AP1B1: variants seen among roughly 807,000 people sequenced by gnomAD.
AP1B1 encodes the protein AP-1 complex subunit beta-1.
In AP1B1, 36 loss-of-function variants were observed where a neutral mutation model predicts 104.3. That is an observed-to-expected ratio of 0.35 (90% CI 0.26 to 0.46). The LOEUF (loss-of-function observed/expected upper bound fraction) is 0.46. Among genes scored for constraint, AP1B1 ranks in the 20% least tolerant of loss-of-function variants. AP1B1 has a pLI of 1.00. For synonymous variants in AP1B1, 504 were observed against 517.5 expected (o/e 0.97, Z 0.35); for missense variants, 901 against 1,247.9 (o/e 0.72, Z 4.19).
At chr22:29,342,580 ATCAC>A (rs1238326195) in intron 11 of AP1B1, among the ~76,000 whole-genome samples, 197 bp from the exon 12 acceptor site, 1 of 152,260 alleles carries the variant, frequency 6.6e-6, no homozygotes, top group African/African-American at 2.4e-5. Flanking sequence ...AGACCTCGGC[ATCAC>A]TCACTCAGGA....
rs2061930034 is a variant in AP1B1 at position 29,354,784 on chromosome 22, C to T, written c.804G>A (p.Glu268=). ...AGTAGTCCAAGTCCTTAGACAACATCTCCATGAACTTCATCAGCACCTTCA... is the reference window on the plus strand; with the variant it reads ...AGTAGTCCAAGTCCTTAGACAACATTTCCATGAACTTCATCAGCACCTTCA... The part of the protein sequence containing the change: ...SAVKVLMKFM[E]MLSKDLDYYG... Residue 268 remains glutamate, a synonymous_variant, in exon 7 of 23, where the codon GAG becomes GAA. Coordinates refer to ENST00000357586, the MANE Select transcript of AP1B1 (RefSeq NM_001127.4). The T allele has an allele frequency of 1.2e-6, 2 of 1,614,142 alleles. No homozygotes were observed. Among genetic ancestry groups the T allele is most frequent in the Non-Finnish European group, 1.7e-6 (2 of 1,180,036 alleles).
rs554966923 is a variant in AP1B1 at position 29,346,541 on chromosome 22, G to A, written c.1437+2677C>T. Among the ~76,000 whole-genome samples, 448 of 152,312 alleles carry A rather than the reference G, an allele frequency of 2.9e-3. 1 individual carries two copies. Among genetic ancestry groups the A allele is most frequent in the African/African-American group, 0.01 (433 of 41,578 alleles). ...GCTCCTATGAGAATCTAATGCCGCC[G>A]CTGATCTGACAGGAGGCGGAGCTGA... On this transcript the variant is annotated intron_variant, in intron 11 of 22. Coordinates refer to ENST00000357586, the MANE Select transcript of AP1B1 (RefSeq NM_001127.4).
intron 7 of AP1B1, among the ~76,000 whole-genome samples, chr22:29,353,764 A>G (rs1406480022): frequency 6.6e-6 from 1 of 152,182 alleles, no homozygotes; most frequent in East Asian, 1.9e-4. Context: ...ACTCCCAGCC[A>G]CAGGGCCTGC....
chr22:29,341,407 T>C (rs2061712306), intron 13 of AP1B1, 94 bp downstream of exon 13: 2 of 1,496,262 alleles, frequency 1.3e-6, no homozygotes, highest in African/African-American at 1.4e-5. Context: ...ACTCAGGTCT[T>C]GCTGGGGGAC....
At chr22:29,332,214 A>G in intron 17 of AP1B1, 1 of 310,622 alleles carries the variant, frequency 3.2e-6, no homozygotes, top group East Asian at 5.9e-5. Flanking sequence ...GGGCCCAGGT[A>G]GGCAGGCCTT....
chr22:29,331,792 G>A lies in AP1B1; in HGVS notation c.2434C>T (p.Leu812Phe). 1.2e-6 allele frequency: 2 copies of A among 1,614,220 alleles called. No individual in the cohort carries two copies. Among genetic ancestry groups the A allele is most frequent in the Non-Finnish European group, 1.7e-6 (2 of 1,180,042 alleles). ...SVMKMEPLNN[L>F]QVAVKNNIDV... is the part of the protein sequence containing the mutation. ...CTGCCCTGCCCGGAACCCACCTGGA[G>A]GTTGTTCAGAGGCTCCATCTTCATG... Residue 812 changes from leucine to phenylalanine, a missense_variant, in exon 18 of 23, where the codon CTC becomes TTC. Leu to Phe is a conservative substitution (Grantham distance 22). Coordinates refer to ENST00000357586, the MANE Select transcript of AP1B1 (RefSeq NM_001127.4).
At chr22:29,333,713 T>C (rs1267843755) in intron 17 of AP1B1, among the ~76,000 whole-genome samples, 1 of 152,098 alleles carries the variant, frequency 6.6e-6, no homozygotes, top group African/African-American at 2.4e-5. Context: ...AAAGACGTCC[T>C]TTCCCACTCT....
chr22:29,329,890 G>C, intron 21 of AP1B1, 170 bp from the exon 22 acceptor site: 1 of 1,458,632 alleles, frequency 6.9e-7, no homozygotes, highest in Non-Finnish European at 9.1e-7. Context: ...CAGGGGTGTG[G>C]GGGAGAAGCA....
intron 2 of AP1B1, among the ~76,000 whole-genome samples, chr22:29,366,787 GA>G (rs1328749315): frequency 1.3e-5 from 2 of 150,720 alleles, no homozygotes; most frequent in Non-Finnish European, 2.9e-5. Flanking sequence ...TGACATGAGT[GA>G]AACTCCGTCT....
Position 29,341,882 on chromosome 22 carries a change from T to C in AP1B1, c.1537-122A>G, listed in dbSNP as rs986855602. On this transcript the variant is annotated intron_variant, in intron 12 of 22. Transcript: ENST00000357586. ...GGCCAATGGGGACAGCAGTCCTGAG[T>C]GCTCCCATGAGCCTGCCCCTATACC... 8 of 1,198,528 alleles carry C rather than the reference T, an allele frequency of 6.7e-6. No individual in the cohort carries two copies. The East Asian group carries it at 2.0e-4, about 30-fold the overall frequency. 74.2% of individuals were successfully genotyped at this position (1,198,528 alleles called of 1,614,324 possible).
chr22:29,369,716 G>T lies in AP1B1; in HGVS notation c.-27-2446C>A, dbSNP rs568897174. ...CATAGCAAGTATTCAATTGATAGTT[G>T]TTGAAAGAAATGAAAAGGGGCCACT... On this transcript the variant is annotated intron_variant, in intron 1 of 22. Transcript: ENST00000357586. 2.6e-5 allele frequency among the ~76,000 whole-genome samples: 4 copies of T among 152,220 alleles called. No individual in the cohort carries two copies. In the East Asian group the frequency reaches 7.7e-4, roughly 29 times the overall value.
chr22:29,367,065 G>T, intron 2 of AP1B1, 142 bp downstream of exon 2: 4 of 664,822 alleles, frequency 6.0e-6, no homozygotes, highest in Non-Finnish European at 1.1e-5. Context: ...CAATTTTCTA[G>T]ATCTACCACA....
intron 1 of AP1B1, among the ~76,000 whole-genome samples, chr22:29,383,128 G>T (rs144428947): frequency 6.6e-6 from 1 of 152,150 alleles, no homozygotes; most frequent in Non-Finnish European, 1.5e-5. Context: ...CCAGCACCAG[G>T]CATTAGCAGG....
intron 16 of AP1B1, among the ~76,000 whole-genome samples, chr22:29,338,046 G>T (rs1049266470): frequency 1.3e-5 from 2 of 152,220 alleles, no homozygotes; most frequent in African/African-American, 4.8e-5. Context: ...GTCTAGCCAG[G>T]AGTCTTGGGG....
Position 29,329,714 on chromosome 22 carries a change from C to T in AP1B1, c.2773G>A (p.Glu925Lys). Residue 925 changes from glutamate (E) to lysine (K), a missense_variant and splice_region_variant, in exon 22 of 23, where the codon GAG (glutamate) becomes AAG (lysine). Physicochemically the swap from Glu to Lys is moderately conservative, Grantham distance 56. Around this residue, in one of 3 missense-constraint regions of AP1B1, gnomAD observed 424 missense variants for 494.0 expected, o/e 0.86. Coordinates refer to ENST00000357586, the MANE Select transcript of AP1B1 (RefSeq NM_001127.4). ...GAAAGAGAAAGCGATCTGCTAACCT[C>T]TAAGTCCTGCACCACGGGAACCAGC... ...QPGNPSCTDLELSLKCRAPEV... is the reference protein window; with the variant it reads ...QPGNPSCTDLKLSLKCRAPEV... 6.2e-7 allele frequency: 1 copy of T among 1,613,692 alleles called. No homozygotes were observed.
rs144812422 is a variant in AP1B1 at position 29,349,230 on chromosome 22, G to A, written c.1425C>T (p.Asp475=). 1.2e-4 allele frequency: 197 copies of A among 1,613,126 alleles called. No individual in the cohort carries two copies. Among genetic ancestry groups the A allele is most frequent in the Non-Finnish European group, 1.5e-4 (179 of 1,180,036 alleles). ...LLESFLEGFH[D]ESTQVQLQLL... ...CTCGCTGGCTCACCTGTGTGCTCTC[G>A]TCATGGAAGCCCTCGAGGAAGCTCT... Residue 475 remains aspartate (D), a synonymous_variant, in exon 11 of 23, where the codon GAC becomes GAT. Coordinates refer to ENST00000357586, the MANE Select transcript of AP1B1 (RefSeq NM_001127.4).
intron 22 of AP1B1, chr22:29,329,347 G>T: frequency 8.3e-7 from 1 of 1,198,394 alleles, no homozygotes; most frequent in Non-Finnish European, 1.0e-6. Context: ...AAGCAGGCAC[G>T]GTAGAGACTT....
Position 29,342,339 on chromosome 22 carries a change from C to T in AP1B1, c.1482G>A (p.Lys494=), listed in dbSNP as rs1471910104. ...CCAGCTCCTGGGTCTCTGTTGGCTTCTTTAGAAAGAGTTTCACAATGGCTG... is the reference window on the plus strand; with the variant it reads ...CCAGCTCCTGGGTCTCTGTTGGCTTTTTTAGAAAGAGTTTCACAATGGCTG... ...LLTAIVKLFL[K]KPTETQELVQ... Residue 494 remains lysine (K), a synonymous_variant, in exon 12 of 23, where the codon AAG becomes AAA. Coordinates refer to ENST00000357586, the MANE Select transcript of AP1B1 (RefSeq NM_001127.4). 6.2e-7 allele frequency: 1 copy of T among 1,614,158 alleles called. No individual in the cohort carries two copies. The highest frequency in any genetic ancestry group is 1.1e-5 in the South Asian group (1 of 91,074).
At chr22:29,340,552 A>G (rs2061698707) in intron 14 of AP1B1, 104 bp downstream of exon 14, 1 of 1,202,484 alleles carries the variant, frequency 8.3e-7, no homozygotes. Flanking sequence ...GACTCTATAT[A>G]ATGTACCTGA....
Sources: gnomAD v4.1 joint callset for allele counts (sites outside exome capture counted in the v4.1 genomes callset) on GRCh38, gnomAD v4.1.1 for gene constraint, gnomAD v4.1.1 regional missense constraint, MANE v1.5 for transcripts, NCBI Gene and HGNC (gene_info 2026-07-23, HGNC 2026-07-21) for gene names.